USP13: variants seen among roughly 807,000 people sequenced by gnomAD.
USP13 encodes the protein ubiquitin carboxyl-terminal hydrolase 13.
A neutral mutation model predicts 107.8 loss-of-function variants in USP13; 68 were observed. The observed-to-expected ratio is 0.63, with a 90% CI of 0.52 to 0.77. The LOEUF (loss-of-function observed/expected upper bound fraction) is 0.77, where lower values mean the gene tolerates loss of function less well. Ranked by LOEUF, USP13 falls within the 30% of genes least tolerant of loss-of-function variation. The pLI, the probability that USP13 is intolerant of heterozygous loss-of-function variation, is 0.00. For synonymous variants in USP13, 377 were observed against 389.5 expected, an observed-to-expected ratio of 0.97 and a Z score of 0.38; for missense variants, 945 against 1,093.3, an observed-to-expected ratio of 0.86 and a Z score of 1.91.
In USP13 at chr3:179,745,090, A is replaced by G. The variant is rs1365482726; in HGVS notation, c.1582A>G (p.Arg528Gly). ...AACGAGAAGGGAAGCAGAAGCAAAC[A>G]GAAGACCCCTTCCTGAGTTGGTACG... ...ELTRREAEANRRPLPELVRAK... is the reference protein window; with the variant it reads ...ELTRREAEANGRPLPELVRAK... The change falls in exon 13 of 21, where the codon AGA (arginine) becomes GGA (glycine). Residue 528 changes from arginine to glycine, a missense_variant. Physicochemically the swap from Arg to Gly is moderately radical, Grantham distance 125. Transcript: ENST00000263966. 1 of 1,614,228 alleles carries G rather than the reference A, an allele frequency of 6.2e-7. No individual in the cohort carries two copies.
At chr3:179,746,875 T>G (rs1714431117) in intron 13 of USP13, among the ~76,000 whole-genome samples, 1 of 152,208 alleles carries the variant, frequency 6.6e-6, no homozygotes. Flanking sequence ...TCAACCTATA[T>G]TATTTGTTCT....
At chr3:179,655,415 C>G (rs1018005385) in intron 1 of USP13, among the ~76,000 whole-genome samples, 1 of 152,092 alleles carries the variant, frequency 6.6e-6, no homozygotes, top group Non-Finnish European at 1.5e-5. Flanking sequence ...AATCATATCA[C>G]AGCAGTTCCT....
chr3:179,697,438 C>T (rs1001002277), intron 3 of USP13, among the ~76,000 whole-genome samples: 1 of 152,112 alleles, frequency 6.6e-6, no homozygotes, highest in African/African-American at 2.4e-5. Context: ...TGTAGGGACC[C>T]ATTCTTTCCT....
At position 179,742,237 on chromosome 3, in the gene USP13, G is replaced by C; in HGVS notation, c.1421G>C (p.Arg474Pro). Residue 474 changes from arginine to proline, a missense_variant, in exon 12 of 21, where the codon CGT (arginine) becomes CCT (proline). Physicochemically the swap from Arg to Pro is moderately radical, Grantham distance 103. Transcript: ENST00000263966. The surrounding 1 kb of genome is among the most constrained non-coding windows in gnomAD (Gnocchi z 5.0). Reference sequence around the variant, plus strand: ...TCAGAAAACCCAAGCGATGTTTTTCGTTTTTTGGTGGAAGAACGCATTCAG... The same window carrying C: ...TCAGAAAACCCAAGCGATGTTTTTCCTTTTTTGGTGGAAGAACGCATTCAG... ...IGSENPSDVF[R>P]FLVEERIQCC... The C allele has an allele frequency of 6.2e-7, 1 of 1,614,196 alleles. No homozygotes were observed. Among genetic ancestry groups the C allele is most frequent in the South Asian group, 1.1e-5 (1 of 91,076 alleles).
chr3:179,699,520 T>C (rs1712434031), intron 3 of USP13, among the ~76,000 whole-genome samples: 1 of 152,096 alleles, frequency 6.6e-6, no homozygotes, highest in African/African-American at 2.4e-5. Flanking sequence ...GAGACTGGCC[T>C]GAGCCACATA....
chr3:179,761,494 C>T lies in USP13; in HGVS notation c.2092+239C>T, dbSNP rs137909981. On this transcript the variant is annotated intron_variant, in intron 17 of 20. Transcript: ENST00000263966. ...ATCCCAGCACTTTGGGAGGCCAAGG[C>T]AGGCGGATCACGAAGTCAAGAGATG... 2.0e-3 allele frequency among the ~76,000 whole-genome samples: 308 copies of T among 152,190 alleles called. 1 individual carries two copies. The highest frequency in any genetic ancestry group is 7.1e-3 in the African/African-American group (293 of 41,514).
intron 19 of USP13, 61 bp downstream of exon 19, chr3:179,765,909 T>C: frequency 6.5e-7 from 1 of 1,541,454 alleles, no homozygotes; most frequent in South Asian, 1.2e-5. Flanking sequence ...CTCATGCCCT[T>C]CCCTCCCACC....
intron 11 of USP13, 108 bp downstream of exon 11, chr3:179,740,480 C>T: frequency 1.3e-6 from 2 of 1,506,992 alleles, no homozygotes; most frequent in Admixed American, 3.6e-5. Flanking sequence ...TCTCTTTCTT[C>T]AATCTCTCCT....
At chr3:179,671,676 A>G (rs1720752629) in intron 1 of USP13, among the ~76,000 whole-genome samples, 1 of 152,106 alleles carries the variant, frequency 6.6e-6, no homozygotes. Context: ...TATTTGGCAA[A>G]TCTGTTCTTG....
At chr3:179,751,016 T>C (rs887305581) in intron 13 of USP13, among the ~76,000 whole-genome samples, 19 of 152,250 alleles carry the variant, frequency 1.2e-4, no homozygotes, top group African/African-American at 4.6e-4. Flanking sequence ...GACTTAGATT[T>C]GAAAAGTGGA....
At chr3:179,694,424 T>C (rs532421488) in intron 3 of USP13, among the ~76,000 whole-genome samples, 15 of 152,230 alleles carry the variant, frequency 9.9e-5, no homozygotes, top group Admixed American at 9.2e-4. Context: ...TCCTGGCCCA[T>C]GATTTCCAAC....
In USP13 at chr3:179,742,491, TC is replaced by T. The variant is rs1235939777; in HGVS notation, c.1534+142del. The stretch of plus-strand genomic sequence containing the variant: ...TGTCTGCTTTGCACATCTCTTTTCA[TC>T]TCTTTGTTAGTTCCCATGTGACTTT... On this transcript the variant is annotated intron_variant, in intron 12 of 20. Transcript: ENST00000263966. The surrounding 1 kb of genome is among the most constrained non-coding windows in gnomAD (Gnocchi z 5.0). 9.4e-7 allele frequency: 1 copy of T among 1,063,660 alleles called. No homozygotes were observed. The allele number at this position is 1,063,660 out of a possible 1,614,324, so 65.9% of individuals were successfully genotyped here.
Position 179,721,779 on chromosome 3 carries a change from A to G in USP13, c.1088+190A>G, listed in dbSNP as rs2165679. Among the ~76,000 whole-genome samples, 59,226 of 151,950 alleles carry G rather than the reference A, an allele frequency of 0.39. 14,065 individuals carry two copies. The highest frequency in any genetic ancestry group is 0.52 in the Non-Finnish European group (35,048 of 67,932). On this transcript the variant is annotated intron_variant, in intron 8 of 20. Coordinates refer to ENST00000263966, the MANE Select transcript of USP13 (RefSeq NM_003940.3). This position sits in a 1 kb window ranked among gnomAD's most constrained non-coding sequence, Gnocchi z 4.3. ...TATTATGGGGATCAGGTGAGATAAG[A>G]AGAGCTTTGTGGCCGGGCGCAGTGT...
At position 179,761,239 on chromosome 3, in the gene USP13, T is replaced by A. The variant is rs768910743; in HGVS notation, c.2076T>A (p.Val692=). 11 of 1,614,208 alleles carry A rather than the reference T, an allele frequency of 6.8e-6. No homozygotes were observed. Among genetic ancestry groups the A allele is most frequent in the Non-Finnish European group, 9.3e-6 (11 of 1,180,038 alleles). ...AGGTGGCCTTCAACTGGATCATTGT[T>A]CACATGGAAGAGCCAGGTAGGTGGC... ...GAEVAFNWII[V]HMEEPDFAEP... The change falls in exon 17 of 21, where the codon GTT becomes GTA. Residue 692 remains valine (V), a synonymous_variant. Coordinates refer to ENST00000263966, the MANE Select transcript of USP13 (RefSeq NM_003940.3).
chr3:179,742,251 G>A lies in USP13; in HGVS notation c.1435G>A (p.Glu479Lys). Reference sequence around the variant, plus strand: ...CGATGTTTTTCGTTTTTTGGTGGAAGAACGCATTCAGTGCTGTCAGACCCG... The same window carrying A: ...CGATGTTTTTCGTTTTTTGGTGGAAAAACGCATTCAGTGCTGTCAGACCCG... ...PSDVFRFLVE[E>K]RIQCCQTRKV... Residue 479 changes from glutamate (E) to lysine (K), a missense_variant, in exon 12 of 21, where the codon GAA (glutamate) becomes AAA (lysine). Transcript: ENST00000263966. The surrounding 1 kb of genome is among the most constrained non-coding windows in gnomAD (Gnocchi z 5.0). 1 of 1,614,254 alleles carries A rather than the reference G, an allele frequency of 6.2e-7. No homozygotes were observed. Among genetic ancestry groups the A allele is most frequent in the Non-Finnish European group, 8.5e-7 (1 of 1,180,044 alleles).
rs1338065013 is a variant in USP13 at position 179,679,513 on chromosome 3, C to T, written c.169-2365C>T. On this transcript the variant is annotated intron_variant, in intron 1 of 20. Coordinates refer to ENST00000263966, the MANE Select transcript of USP13 (RefSeq NM_003940.3). ...TTTGGACAGGTGAGACTAACCATAG[C>T]TTAAGAAAATCCACTTCCTTTGAGG... is the stretch of plus-strand genomic sequence containing the variant. Among the ~76,000 whole-genome samples, 7 of 151,980 alleles carry T rather than the reference C, an allele frequency of 4.6e-5. No individual in the cohort carries two copies. The East Asian group carries it at 1.2e-3, about 25-fold the overall frequency.
chr3:179,730,137 T>G (rs1713747122), intron 8 of USP13, 52 bp from the exon 9 acceptor site: 1 of 1,531,254 alleles, frequency 6.5e-7, no homozygotes, highest in East Asian at 2.3e-5. Context: ...CTTGTTTTGG[T>G]TCTGTTCTTC....
chr3:179,677,607 A>C (rs937517423), intron 1 of USP13, among the ~76,000 whole-genome samples: 4 of 152,064 alleles, frequency 2.6e-5, no homozygotes, highest in African/African-American at 9.7e-5. Flanking sequence ...AAATAAAATA[A>C]ATTTCCATCA....
intron 1 of USP13, among the ~76,000 whole-genome samples, chr3:179,658,217 GTGC>G (rs1204836211): frequency 6.6e-6 from 1 of 152,182 alleles, no homozygotes; most frequent in Admixed American, 6.5e-5. Flanking sequence ...GCCTCCCAAA[GTGC>G]TGTGATTACA....
Sources: allele counts gnomAD v4.1 joint callset (sites outside exome capture counted in the v4.1 genomes callset), GRCh38; gene constraint gnomAD v4.1.1; non-coding constraint Gnocchi (gnomAD v3.1); transcripts MANE v1.5; gene names NCBI Gene and HGNC (gene_info 2026-07-23, HGNC 2026-07-21).